Variants in RBBP8 observed in about 807,000 individuals in gnomAD.
RBBP8 encodes DNA endonuclease RBBP8.
In RBBP8, 88 loss-of-function variants were observed where a neutral mutation model predicts 108.3. That is an observed-to-expected ratio of 0.81 (90% CI 0.68 to 0.97). The LOEUF is 0.97. Ranked by LOEUF, RBBP8 falls within the 50% of genes least tolerant of loss-of-function variation. RBBP8 has a pLI of 0.00. For synonymous variants in RBBP8, 332 were observed against 348.2 expected (o/e 0.95, Z 0.52); for missense variants, 1,023 against 1,049.0 (o/e 0.98, Z 0.34).
At chr18:23,010,052 A>AC in intron 16 of RBBP8, among the ~76,000 whole-genome samples, 1 of 152,122 alleles carries the variant, frequency 6.6e-6, no homozygotes, top group Non-Finnish European at 1.5e-5. Flanking sequence ...GAGCCACTGC[A>AC]CCTGGCCTGC....
At chr18:23,023,109 G>T (rs911021480) in intron 18 of RBBP8, among the ~76,000 whole-genome samples, 2 of 151,644 alleles carry the variant, frequency 1.3e-5, no homozygotes, top group Non-Finnish European at 2.9e-5. Flanking sequence ...TGTTGCTCAG[G>T]CTGGTCGTGA....
intron 16 of RBBP8, among the ~76,000 whole-genome samples, chr18:23,015,463 A>G (rs2046239775): frequency 6.6e-6 from 1 of 152,222 alleles, no homozygotes; most frequent in Non-Finnish European, 1.5e-5. Flanking sequence ...GCCTTTCAGT[A>G]TAATCCCACT....
intron 17 of RBBP8, among the ~76,000 whole-genome samples, chr18:23,021,127 A>C (rs1228284453): frequency 6.6e-6 from 1 of 152,184 alleles, no homozygotes; most frequent in Non-Finnish European, 1.5e-5. Flanking sequence ...TGGATTAAAT[A>C]TGTGATTCTG....
In RBBP8 at chr18:22,993,296, C is replaced by T. The variant is rs756442828; in HGVS notation, c.1469C>T (p.Pro490Leu). The T allele has an allele frequency of 6.2e-7, 1 of 1,614,060 alleles. No homozygotes were observed. The highest frequency in any genetic ancestry group is 1.3e-5 in the African/African-American group (1 of 74,924). Reference protein sequence around the residue: ...SMNGDCVMDKPLDLSDRFSAI... With the variant: ...SMNGDCVMDKLLDLSDRFSAI... ...AATGGAGACTGTGTGATGGATAAAC[C>T]TCTGGATCTGTCTGATCGATTTTCA... Residue 490 changes from proline (P) to leucine (L), a missense_variant, in exon 11 of 19, where the codon CCT (proline) becomes CTT (leucine). Transcript: ENST00000327155.
chr18:22,925,634 G>A (rs953678516), intron 3 of RBBP8, among the ~76,000 whole-genome samples: 2 of 152,172 alleles, frequency 1.3e-5, no homozygotes, highest in Middle Eastern at 3.2e-3. Flanking sequence ...TTTAAGATGC[G>A]ATGATTTTTT....
At chr18:22,954,306 C>T (rs1325182331) in intron 4 of RBBP8, among the ~76,000 whole-genome samples, 1 of 152,190 alleles carries the variant, frequency 6.6e-6, no homozygotes, top group Non-Finnish European at 1.5e-5. Flanking sequence ...TTAGTTACCT[C>T]GTAGATACAG....
chr18:23,008,827 G>GTCAC (rs2046105722), intron 16 of RBBP8, among the ~76,000 whole-genome samples: 1 of 133,462 alleles, frequency 7.5e-6, no homozygotes, highest in South Asian at 2.4e-4. Flanking sequence ...AGGCTGGAGT[G>GTCAC]CAGTGGCACA....
At chr18:23,014,857 A>AT (rs2046230426) in intron 16 of RBBP8, among the ~76,000 whole-genome samples, 1 of 151,524 alleles carries the variant, frequency 6.6e-6, no homozygotes, top group African/African-American at 2.4e-5. Flanking sequence ...GCATAAGGTA[A>AT]TTTTTCTTTT....
chr18:23,009,940 T>C (rs1312137530), intron 16 of RBBP8, among the ~76,000 whole-genome samples: 1 of 152,184 alleles, frequency 6.6e-6, no homozygotes, highest in Non-Finnish European at 1.5e-5. Context: ...TTTTGTATTT[T>C]TAGTGGAGAT....
chr18:22,985,360 G>C (rs1380407504), intron 8 of RBBP8, among the ~76,000 whole-genome samples: 1 of 152,108 alleles, frequency 6.6e-6, no homozygotes, highest in Non-Finnish European at 1.5e-5. Context: ...AGAAGCAAGT[G>C]CTCTGAAGAA....
chr18:22,924,222 T>G (rs1909708949), intron 3 of RBBP8, among the ~76,000 whole-genome samples: 1 of 139,664 alleles, frequency 7.2e-6, no homozygotes, highest in Non-Finnish European at 1.5e-5. Flanking sequence ...TCTGCCTCCC[T>G]GGTTCAAGCA....
At chr18:22,962,695 C>T (rs1913208396) in intron 4 of RBBP8, among the ~76,000 whole-genome samples, 1 of 146,952 alleles carries the variant, frequency 6.8e-6, no homozygotes, top group Admixed American at 6.8e-5. Context: ...ACACCCCCTC[C>T]TCTCCACCCC....
In RBBP8 at chr18:22,968,992, G is replaced by A. The variant is rs930455887; in HGVS notation, c.361+74G>A. 1.7e-5 allele frequency: 18 copies of A among 1,080,274 alleles called. No individual in the cohort carries two copies. In the African/African-American group the frequency reaches 2.9e-4, roughly 17 times the overall value. The allele number at this position is 1,080,274 out of a possible 1,614,324, so 66.9% of individuals were successfully genotyped here. A position where few individuals can be genotyped will look rare whatever the true frequency, so the allele number is the denominator to read the frequency against. On this transcript the variant is annotated intron_variant, in intron 5 of 18. Coordinates refer to ENST00000327155, the MANE Select transcript of RBBP8 (RefSeq NM_002894.3). ...TTTAAGACCTATTAGTAAATTGGTT[G>A]TAATTAAATGGATGGTTTACATATA...
chr18:22,965,082 T>C (rs1463399242), intron 4 of RBBP8, among the ~76,000 whole-genome samples: 2 of 152,186 alleles, frequency 1.3e-5, no homozygotes, highest in Non-Finnish European at 2.9e-5. Context: ...CAAGAACCTA[T>C]CAATGATGTT....
upstream of RBBP8, among the ~76,000 whole-genome samples, chr18:22,929,860 C>T (rs1909957565): frequency 6.6e-6 from 1 of 151,994 alleles, no homozygotes; most frequent in Non-Finnish European, 1.5e-5. Flanking sequence ...TAGTAAAGGT[C>T]TGGAAGACAG....
Position 23,022,163 on chromosome 18 carries a change from A to T in RBBP8, c.2489A>T (p.Lys830Met), listed in dbSNP as rs1420879894. ...GATATGCCAGCAGAAGAAAGAGAAA[A>T]GAAATTGGCTTCCTGCTCAAGACAC... The part of the protein sequence containing the change: ...YADMPAEERE[K>M]KLASCSRHRF... Residue 830 changes from lysine (K) to methionine (M), a missense_variant, in exon 18 of 19, where the codon AAG (lysine) becomes ATG (methionine). Lys to Met is a moderately conservative substitution (Grantham distance 95). Coordinates refer to ENST00000327155, the MANE Select transcript of RBBP8 (RefSeq NM_002894.3). 6.2e-7 allele frequency: 1 copy of T among 1,608,848 alleles called. No individual in the cohort carries two copies. Among genetic ancestry groups the T allele is most frequent in the Non-Finnish European group, 8.5e-7 (1 of 1,175,160 alleles).
intron 5 of RBBP8, among the ~76,000 whole-genome samples, chr18:22,973,066 C>G (rs1016786037): frequency 6.6e-6 from 1 of 152,108 alleles, no homozygotes; most frequent in East Asian, 1.9e-4. Context: ...ATTAATGACT[C>G]CTACGTCAAA....
At chr18:22,986,968 A>G (rs925582384) in intron 8 of RBBP8, among the ~76,000 whole-genome samples, 20 of 152,138 alleles carry the variant, frequency 1.3e-4, no homozygotes, top group Non-Finnish European at 2.9e-5. Context: ...TATTTGTCCT[A>G]TCTTCCTTAT....
chr18:22,926,526 C>T (rs1909797783), intron 3 of RBBP8, among the ~76,000 whole-genome samples: 1 of 152,212 alleles, frequency 6.6e-6, no homozygotes, highest in Admixed American at 6.5e-5. Flanking sequence ...TATGAATATA[C>T]TGTTTAACCT....
Sources: allele counts gnomAD v4.1 joint callset (sites outside exome capture counted in the v4.1 genomes callset), GRCh38; gene constraint gnomAD v4.1.1; transcripts MANE v1.5; gene names NCBI Gene and HGNC (gene_info 2026-07-23, HGNC 2026-07-21).